Variants in MAEA observed in about 807,000 individuals in gnomAD.
The protein encoded by MAEA is macrophage erythroblast attacher, E3 ubiquitin ligase.
A neutral mutation model predicts 46.2 loss-of-function variants in MAEA; 22 were observed. The ratio of observed to expected loss-of-function variants is 0.48; its 90% CI spans 0.34 to 0.68. The LOEUF (loss-of-function observed/expected upper bound fraction) is 0.68, where lower values mean the gene tolerates loss of function less well. Among genes scored for constraint, MAEA ranks in the 30% least tolerant of loss-of-function variants. The pLI is 0.01. For missense variants in MAEA, 393 were observed against 558.1 expected, an observed-to-expected ratio of 0.70 and a Z score of 2.98; for synonymous variants, 246 against 222.6, an observed-to-expected ratio of 1.11 and a Z score of -0.94.
At chr4:1,318,391 AG>A (rs376737745) in intron 3 of MAEA, among the ~76,000 whole-genome samples, 125 of 152,334 alleles carry the variant, frequency 8.2e-4, no homozygotes, top group African/African-American at 2.7e-3. Flanking sequence ...GTTCCACAGA[AG>A]TGCGTAGAGC....
Position 1,336,962 on chromosome 4 carries a change from C to G in MAEA, c.867C>G (p.Thr289=), listed in dbSNP as rs1454805171. ...QLGNNSVFTL[T]LQAGLSAIKT... is the part of the protein sequence containing the mutation. Reference sequence around the variant, plus strand: ...GAAACAATTCTGTGTTCACCCTCACCCTGCAGGCTGGCCTCTCAGCCATCA... The same window carrying G: ...GAAACAATTCTGTGTTCACCCTCACGCTGCAGGCTGGCCTCTCAGCCATCA... Residue 289 remains threonine, a synonymous_variant, in exon 7 of 9, where the codon ACC becomes ACG. Transcript: ENST00000303400. The G allele has an allele frequency of 6.2e-7, 1 of 1,614,106 alleles. No individual in the cohort carries two copies.
At chr4:1,324,441 G>A (rs1738544280) in intron 4 of MAEA, among the ~76,000 whole-genome samples, 1 of 143,988 alleles carries the variant, frequency 6.9e-6, no homozygotes, top group African/African-American at 2.6e-5. Context: ...GATTGGTGTT[G>A]GATGAAGTTG....
At chr4:1,317,371 T>TCTGCAGGC (rs1445135130) in intron 3 of MAEA, among the ~76,000 whole-genome samples, 5 of 118,874 alleles carry the variant, frequency 4.2e-5, no homozygotes, top group Non-Finnish European at 8.6e-5. Flanking sequence ...TCCGGACTCA[T>TCTGCAGGC]CTGCAGGCCC....
At chr4:1,333,613 C>A (rs976632236) in intron 6 of MAEA, among the ~76,000 whole-genome samples, 1 of 152,086 alleles carries the variant, frequency 6.6e-6, no homozygotes, top group Non-Finnish European at 1.5e-5. Context: ...AGACCTGGCC[C>A]CAACCCAGCA....
intron 4 of MAEA, among the ~76,000 whole-genome samples, chr4:1,326,432 T>TC (rs1441411105): frequency 6.6e-6 from 1 of 152,200 alleles, no homozygotes; most frequent in Non-Finnish European, 1.5e-5. Context: ...ACATGTCACT[T>TC]CCGTAGAATC....
At position 1,319,543 on chromosome 4, in the gene MAEA, G is replaced by A. The variant is rs148037484; in HGVS notation, c.457-2838G>A. ...AGAGATCCAACTGGGTTCAGACCCC[G>A]AGGCTGTGTTGACGGGACATGAGGC... is the stretch of plus-strand genomic sequence containing the variant. On this transcript the variant is annotated intron_variant, in intron 3 of 8. Transcript: ENST00000303400. 3.9e-3 allele frequency among the ~76,000 whole-genome samples: 593 copies of A among 152,132 alleles called. 5 individuals are homozygous for A. Among genetic ancestry groups the A allele is most frequent in the African/African-American group, 0.014 (564 of 41,456 alleles).
At chr4:1,324,941 G>A (rs907615582) in intron 4 of MAEA, among the ~76,000 whole-genome samples, 11 of 151,968 alleles carry the variant, frequency 7.2e-5, no homozygotes, top group African/African-American at 1.5e-4. Context: ...TTGGATGAGC[G>A]TGCCTGGTGT....
At chr4:1,319,542 C>T (rs775968501) in intron 3 of MAEA, among the ~76,000 whole-genome samples, 27 of 152,008 alleles carry the variant, frequency 1.8e-4, no homozygotes, top group African/African-American at 4.1e-4. Flanking sequence ...GTTCAGACCC[C>T]GAGGCTGTGT....
intron 1 of MAEA, among the ~76,000 whole-genome samples, chr4:1,296,749 C>T (rs1250811455): frequency 6.6e-6 from 1 of 152,082 alleles, no homozygotes; most frequent in African/African-American, 2.4e-5. Flanking sequence ...CCCAGATGTT[C>T]CTCTTGAGGA....
chr4:1,308,735 C>G (rs1019852201), intron 1 of MAEA, among the ~76,000 whole-genome samples: 6 of 152,234 alleles, frequency 3.9e-5, no homozygotes, highest in African/African-American at 1.4e-4. Flanking sequence ...TGTCTAAGTC[C>G]TTCACCCATT....
chr4:1,317,427 C>A (rs1323164702), intron 3 of MAEA, among the ~76,000 whole-genome samples: 1 of 151,868 alleles, frequency 6.6e-6, no homozygotes, highest in African/African-American at 2.4e-5. Context: ...CACCCTCTTG[C>A]TGGCTCTTGT....
At chr4:1,305,211 C>A (rs1395312236) in intron 1 of MAEA, among the ~76,000 whole-genome samples, 1 of 152,130 alleles carries the variant, frequency 6.6e-6, no homozygotes, top group African/African-American at 2.4e-5. Context: ...CCATGCTCCA[C>A]TTGTGGCAAA....
intron 3 of MAEA, among the ~76,000 whole-genome samples, chr4:1,317,421 C>T (rs545016543): frequency 5.5e-4 from 83 of 151,890 alleles, no homozygotes; most frequent in Non-Finnish European, 1.1e-3. Flanking sequence ...TGGCCCCACC[C>T]TCTTGCTGGC....
At position 1,327,332 on chromosome 4, in the gene MAEA, C is replaced by A. The variant is rs138581983; in HGVS notation, c.580-295C>A. 3.2e-4 allele frequency among the ~76,000 whole-genome samples: 49 copies of A among 152,380 alleles called. No homozygotes were observed. In the Middle Eastern group the frequency reaches 0.017, roughly 53 times the overall value. ...GCTGCTCTGCCCTCCCAGCTGTGCT[C>A]CTGGAAGCGCCCTGAGCGCCCTGGC... On this transcript the variant is annotated intron_variant, in intron 4 of 8. Transcript: ENST00000303400.
chr4:1,322,497 G>A lies in MAEA; in HGVS notation c.573G>A (p.Lys191=). ...ATGACAACAAGTCCCGGCTCCGGAA[G>A]ATGAAGGTGCACGGACTCCCAGGTT... is the stretch of plus-strand genomic sequence containing the variant. ...WCHDNKSRLR[K]MKSCLEFSLR... Residue 191 remains lysine, a synonymous_variant, in exon 4 of 9, where the codon AAG becomes AAA. Transcript: ENST00000303400. 6.2e-7 allele frequency: 1 copy of A among 1,613,754 alleles called. No individual in the cohort carries two copies. Among genetic ancestry groups the A allele is most frequent in the Non-Finnish European group, 8.5e-7 (1 of 1,179,952 alleles).
intron 3 of MAEA, among the ~76,000 whole-genome samples, chr4:1,318,031 G>C (rs538789076): frequency 6.6e-6 from 1 of 152,330 alleles, no homozygotes; most frequent in Admixed American, 6.5e-5. Flanking sequence ...GTGACGGACA[G>C]TGGGCCAGCA....
chr4:1,330,227 G>C, intron 5 of MAEA: 1 of 781,356 alleles, frequency 1.3e-6, no homozygotes, highest in Non-Finnish European at 1.6e-6. Context: ...CATGGGCTTT[G>C]TGTGAGCAGC....
Position 1,315,617 on chromosome 4 carries a change from C to G in MAEA, c.456+17C>G, listed in dbSNP as rs370016440. Reference sequence around the variant, plus strand: ...GGCATCGAGGTGGGTGCCCGCCAGACGCAGGCACAGCGCCCCAGCTGGCCC... The same window carrying G: ...GGCATCGAGGTGGGTGCCCGCCAGAGGCAGGCACAGCGCCCCAGCTGGCCC... On this transcript the variant is annotated intron_variant, in intron 3 of 8. Coordinates refer to ENST00000303400, the MANE Select transcript of MAEA (RefSeq NM_001017405.3). 6.2e-7 allele frequency: 1 copy of G among 1,611,462 alleles called. No individual in the cohort carries two copies. The highest frequency in any genetic ancestry group is 2.2e-5 in the East Asian group (1 of 44,816).
intron 1 of MAEA, chr4:1,297,853 C>T (rs1438872329): frequency 2.6e-6 from 1 of 386,478 alleles, no homozygotes; most frequent in Non-Finnish European, 5.3e-6. Context: ...GGCCTGTGCT[C>T]TCATCTGGCT....
Sources: gnomAD v4.1 joint callset for allele counts (sites outside exome capture counted in the v4.1 genomes callset) on GRCh38, gnomAD v4.1.1 for gene constraint, MANE v1.5 for transcripts, NCBI Gene and HGNC (gene_info 2026-07-23, HGNC 2026-07-21) for gene names.